Variants in EXOC6B observed in about 807,000 individuals in gnomAD.
EXOC6B encodes exocyst complex component 6B, also known as SEC15 homolog B.
In EXOC6B, 54 loss-of-function variants were observed where a neutral mutation model predicts 113.5. The observed-to-expected ratio is 0.48, with a 90% confidence interval of 0.38 to 0.60. The LOEUF is 0.60. EXOC6B is among the 20% of genes least tolerant of loss of function. The pLI is 0.00. For missense variants in EXOC6B, 797 were observed against 977.5 expected, an observed-to-expected ratio of 0.82 and a Z score of 2.46; for synonymous variants, 357 against 339.0, an observed-to-expected ratio of 1.05 and a Z score of -0.58.
intron 20 of EXOC6B, among the ~76,000 whole-genome samples, chr2:72,258,148 G>C (rs966458243): frequency 1.3e-5 from 2 of 152,026 alleles, no homozygotes; most frequent in Non-Finnish European, 2.9e-5. Context: ...TAAACTCTCA[G>C]ACTAGTCTGA....
At chr2:72,609,644 T>A (rs1307930768) in intron 6 of EXOC6B, among the ~76,000 whole-genome samples, 1 of 151,318 alleles carries the variant, frequency 6.6e-6, no homozygotes, top group Non-Finnish European at 1.5e-5. Flanking sequence ...AAAAGTATAA[T>A]TGGATTCCCA....
chr2:72,680,134 G>C (rs1012197536), intron 6 of EXOC6B, among the ~76,000 whole-genome samples: 3 of 152,080 alleles, frequency 2.0e-5, no homozygotes, highest in Non-Finnish European at 4.4e-5. Flanking sequence ...CTAACATTTG[G>C]GGAATCCAGA....
At chr2:72,803,719 G>A (rs192110102) in intron 1 of EXOC6B, among the ~76,000 whole-genome samples, 1 of 152,214 alleles carries the variant, frequency 6.6e-6, no homozygotes, top group East Asian at 1.9e-4. Context: ...AGTTTTGAAA[G>A]AAACTTTTAC....
At chr2:72,419,774 T>G (rs1322795686) in intron 18 of EXOC6B, among the ~76,000 whole-genome samples, 6 of 152,206 alleles carry the variant, frequency 3.9e-5, no homozygotes. Flanking sequence ...TCTTTAGTGT[T>G]GGTCTCTTTT....
intron 20 of EXOC6B, among the ~76,000 whole-genome samples, chr2:72,201,525 T>G (rs926541576): frequency 3.3e-5 from 5 of 152,180 alleles, no homozygotes; most frequent in African/African-American, 1.2e-4. Context: ...AGATGATTAG[T>G]TCAGGAAGGA....
chr2:72,786,420 TTCAAAAACC>T (rs1330300214), intron 1 of EXOC6B, among the ~76,000 whole-genome samples: 2 of 152,232 alleles, frequency 1.3e-5, no homozygotes, highest in Admixed American at 6.5e-5. Flanking sequence ...TATCCCTCCT[TTCAAAAACC>T]TCAAAAACTA....
chr2:72,193,217 G>C (rs894645157), intron 20 of EXOC6B, among the ~76,000 whole-genome samples: 1 of 152,140 alleles, frequency 6.6e-6, no homozygotes. Flanking sequence ...CTGTTTTTCT[G>C]GTTCAGATGT....
At chr2:72,823,472 A>AC (rs1686703824) in intron 1 of EXOC6B, among the ~76,000 whole-genome samples, 1 of 126,728 alleles carries the variant, frequency 7.9e-6, no homozygotes, top group Non-Finnish European at 1.6e-5. Flanking sequence ...AAAAAAAAAA[A>AC]AAAAAACAAA....
rs565153646 is a variant in EXOC6B at position 72,208,670 on chromosome 2, G to C, written c.2197-24483C>G. Among the ~76,000 whole-genome samples the C allele has an allele frequency of 5.9e-5, 9 of 152,188 alleles. No homozygotes were observed. The South Asian group carries it at 6.2e-4, about 11-fold the overall frequency. On this transcript the variant is annotated intron_variant, in intron 20 of 21. Coordinates refer to ENST00000272427, the MANE Select transcript of EXOC6B (RefSeq NM_015189.3). ...CAGGTCTCATCTTAACCCTTTTCTA[G>C]AACCTAAGATCCAGCCCTCTGCCTC...
intron 6 of EXOC6B, among the ~76,000 whole-genome samples, chr2:72,584,638 T>G (rs1278396456): frequency 1.3e-5 from 2 of 152,158 alleles, no homozygotes; most frequent in East Asian, 3.8e-4. Flanking sequence ...GGACCTAAAT[T>G]CAACAGTGGA....
At chr2:72,399,958 A>G (rs974072469) in intron 18 of EXOC6B, among the ~76,000 whole-genome samples, 1 of 152,208 alleles carries the variant, frequency 6.6e-6, no homozygotes, top group African/African-American at 2.4e-5. Flanking sequence ...GAACCTAAAA[A>G]GAACACAAAT....
chr2:72,732,887 G>A (rs531829961), intron 3 of EXOC6B, among the ~76,000 whole-genome samples, 184 bp downstream of exon 3: 5 of 152,302 alleles, frequency 3.3e-5, no homozygotes, highest in South Asian at 4.1e-4. Context: ...CCTGTATCCT[G>A]TCTCCTTAGA....
At chr2:72,802,096 A>G (rs1685310551) in intron 1 of EXOC6B, among the ~76,000 whole-genome samples, 1 of 152,166 alleles carries the variant, frequency 6.6e-6, no homozygotes, top group African/African-American at 2.4e-5. Context: ...AGGCCAAGGC[A>G]GGCGGATCAC....
chr2:72,666,615 T>C (rs1675410007), intron 6 of EXOC6B, among the ~76,000 whole-genome samples: 1 of 152,134 alleles, frequency 6.6e-6, no homozygotes, highest in Admixed American at 6.5e-5. Context: ...TATGATTATA[T>C]ACTTAGCAAA....
chr2:72,574,485 G>A lies in EXOC6B; in HGVS notation c.846+1007C>T, dbSNP rs115136916. On this transcript the variant is annotated intron_variant, in intron 7 of 21. Coordinates refer to ENST00000272427, the MANE Select transcript of EXOC6B (RefSeq NM_015189.3). The stretch of plus-strand genomic sequence containing the variant: ...AATTTATCCAAGACTACAAAATTAG[G>A]ACAAGTTTTGGGGAAGAGAGAAAAG... Among the ~76,000 whole-genome samples the A allele has an allele frequency of 4.1e-3, 620 of 152,180 alleles. 12 individuals carry two copies. Among genetic ancestry groups the A allele is most frequent in the African/African-American group, 0.015 (605 of 41,514 alleles).
chr2:72,519,752 G>GGCATAT (rs1197625971), intron 8 of EXOC6B, among the ~76,000 whole-genome samples: 1 of 152,078 alleles, frequency 6.6e-6, no homozygotes, highest in Non-Finnish European at 1.5e-5. Flanking sequence ...TTCTGTACTG[G>GGCATAT]GCATATTTAA....
chr2:72,759,861 CT>C (rs1682640797), intron 1 of EXOC6B, among the ~76,000 whole-genome samples: 1 of 152,202 alleles, frequency 6.6e-6, no homozygotes, highest in Non-Finnish European at 1.5e-5. Context: ...AGCCCCCTAA[CT>C]GTGTCCAACT....
At chr2:72,463,505 G>A (rs1050629433) in intron 18 of EXOC6B, 5 of 151,802 alleles carry the variant, frequency 3.3e-5, no homozygotes, top group African/African-American at 1.2e-4. Flanking sequence ...AAGGGCAACA[G>A]ACTGAGAATC....
intron 20 of EXOC6B, among the ~76,000 whole-genome samples, chr2:72,326,683 A>T (rs943739909): frequency 2.0e-5 from 3 of 152,042 alleles, no homozygotes; most frequent in African/African-American, 4.8e-5. Flanking sequence ...GTTGTCAAAG[A>T]TTAGACTGAC....
Sources: allele counts gnomAD v4.1 joint callset (sites outside exome capture counted in the v4.1 genomes callset), GRCh38; gene constraint gnomAD v4.1.1; transcripts MANE v1.5; gene names NCBI Gene and HGNC (gene_info 2026-07-23, HGNC 2026-07-21).